Variants in TENM3 observed in about 807,000 individuals in gnomAD.
TENM3 encodes the protein teneurin transmembrane protein 3, also known as teneurin-3.
In TENM3, 63 loss-of-function variants were observed where a neutral mutation model predicts 255.1. The ratio of observed to expected loss-of-function variants is 0.25; its 90% CI spans 0.20 to 0.30. TENM3 has a LOEUF of 0.30. Among genes scored for constraint, TENM3 ranks in the 10% least tolerant of loss-of-function variants. The probability of loss-of-function intolerance (pLI) is 1.00; values close to 1 mark genes in which losing one functional copy is unlikely to be tolerated. For missense variants in TENM3, 2,929 were observed against 3,461.1 expected (o/e 0.85, Z 3.86); for synonymous variants, 1,306 against 1,322.3 (o/e 0.99, Z 0.27).
chr4:181,470,643 T>G, the TENM3 span, among the ~76,000 whole-genome samples: 1 of 152,312 alleles, frequency 6.6e-6, no homozygotes, highest in Admixed American at 6.5e-5. Context: ...GTTAAAAATC[T>G]TGGATTTAAA....
chr4:182,430,849 T>TA (rs1346539008), intron 3 of TENM3, among the ~76,000 whole-genome samples: 20 of 151,100 alleles, frequency 1.3e-4, no homozygotes, highest in Admixed American at 2.0e-4. Flanking sequence ...CTGTCTCTAC[T>TA]AAAAATACAA....
the TENM3 span, among the ~76,000 whole-genome samples, chr4:181,746,002 G>A: frequency 1.3e-5 from 2 of 152,162 alleles, no homozygotes; most frequent in Non-Finnish European, 2.9e-5. Flanking sequence ...AGTTGATAGT[G>A]TAGGATAGGA....
At chr4:181,741,817 G>A in the TENM3 span, among the ~76,000 whole-genome samples, 1 of 152,146 alleles carries the variant, frequency 6.6e-6, no homozygotes. Context: ...TTCTGAACAT[G>A]GACTACCAGA....
At chr4:182,244,853 A>C (rs1222719386) in intron 1 of TENM3, among the ~76,000 whole-genome samples, 1 of 152,242 alleles carries the variant, frequency 6.6e-6, no homozygotes, top group Admixed American at 6.5e-5. Flanking sequence ...ATGCAAATCA[A>C]ATCATGTTGA....
At chr4:181,534,468 C>A in the TENM3 span, among the ~76,000 whole-genome samples, 5 of 100,894 alleles carry the variant, frequency 5.0e-5, no homozygotes, top group Admixed American at 4.2e-4. Flanking sequence ...TGAGGTCTTC[C>A]CCCCCCCCAC....
intron 3 of TENM3, among the ~76,000 whole-genome samples, chr4:182,418,267 C>T (rs1770535947): frequency 6.6e-6 from 1 of 152,154 alleles, no homozygotes; most frequent in Non-Finnish European, 1.5e-5. Flanking sequence ...TGCAGTTTCA[C>T]TTTTATTTTC....
At chr4:182,365,422 A>G (rs1210042809) in intron 3 of TENM3, among the ~76,000 whole-genome samples, 1 of 152,196 alleles carries the variant, frequency 6.6e-6, no homozygotes, top group Non-Finnish European at 1.5e-5. Context: ...CCTTCTGCTC[A>G]TAGACATAGG....
At chr4:181,917,133 G>A in the TENM3 span, among the ~76,000 whole-genome samples, 5 of 152,142 alleles carry the variant, frequency 3.3e-5, no homozygotes, top group Non-Finnish European at 5.9e-5. Flanking sequence ...GCTCTTATGG[G>A]TGCTTGAACA....
the TENM3 span, among the ~76,000 whole-genome samples, chr4:181,679,522 T>C: frequency 6.6e-6 from 1 of 152,084 alleles, no homozygotes; most frequent in Admixed American, 6.6e-5. Context: ...GCAAAATATA[T>C]GTTGTATAGC....
chr4:182,632,123 A>G (rs12639914), intron 5 of TENM3, among the ~76,000 whole-genome samples: 9,344 of 152,294 alleles, frequency 0.061, 397 homozygotes, highest in East Asian at 0.14. Flanking sequence ...CTAGAGGTCC[A>G]TATTTTTAAA....
chr4:182,239,108 G>A (rs1396866903), upstream of TENM3, among the ~76,000 whole-genome samples: 8 of 141,432 alleles, frequency 5.7e-5, no homozygotes, highest in African/African-American at 1.3e-4. Context: ...ACGGCGTCTC[G>A]CTGTGTCTCC....
chr4:181,545,726 A>C, the TENM3 span, among the ~76,000 whole-genome samples: 1 of 152,230 alleles, frequency 6.6e-6, no homozygotes, highest in Admixed American at 6.5e-5. Context: ...AGATATTTTT[A>C]ATTATTTTTA....
At chr4:181,535,719 C>A in the TENM3 span, among the ~76,000 whole-genome samples, 2 of 152,186 alleles carry the variant, frequency 1.3e-5, no homozygotes, top group Non-Finnish European at 2.9e-5. Context: ...CAGGCAAGCT[C>A]TTGCCTCGGA....
intron 1 of TENM3, among the ~76,000 whole-genome samples, chr4:182,299,013 A>AGGGGT (rs111604362): frequency 2.1e-5 from 2 of 94,290 alleles, no homozygotes; most frequent in Non-Finnish European, 4.0e-5. Flanking sequence ...AAAAAAAAAA[A>AGGGGT]AAAGAGGTAA....
At chr4:181,785,837 C>CAA in the TENM3 span, among the ~76,000 whole-genome samples, 1 of 151,420 alleles carries the variant, frequency 6.6e-6, no homozygotes. Flanking sequence ...CACACACACA[C>CAA]AAACACACAC....
chr4:181,915,132 G>A, the TENM3 span, among the ~76,000 whole-genome samples: 3 of 152,068 alleles, frequency 2.0e-5, no homozygotes, highest in Non-Finnish European at 1.5e-5. Context: ...ACGGTTAGAA[G>A]GCAAAATTAA....
chr4:182,205,354 C>CTT (rs1754483279), intron 1 of TENM3, among the ~76,000 whole-genome samples: 1 of 152,246 alleles, frequency 6.6e-6, no homozygotes. Context: ...ATTTGCATGA[C>CTT]CACTTCTAGA....
intron 1 of TENM3, among the ~76,000 whole-genome samples, chr4:182,299,422 A>C (rs1051521185): frequency 6.6e-6 from 1 of 152,202 alleles, no homozygotes; most frequent in Non-Finnish European, 1.5e-5. Context: ...AAGAATATAG[A>C]TTCGGAAATT....
the TENM3 span, among the ~76,000 whole-genome samples, chr4:182,073,861 G>C: frequency 6.6e-6 from 1 of 152,216 alleles, no homozygotes; most frequent in African/African-American, 2.4e-5. Context: ...GGACAATGCA[G>C]CTCCACCATC....
Sources: allele counts gnomAD v4.1 joint callset (sites outside exome capture counted in the v4.1 genomes callset), GRCh38; gene constraint gnomAD v4.1.1; transcripts MANE v1.5; gene names NCBI Gene and HGNC (gene_info 2026-07-23, HGNC 2026-07-21).